KIAA0825: variants seen among roughly 807,000 people sequenced by gnomAD.
KIAA0825 encodes KIAA0825.
A neutral mutation model predicts 147.6 loss-of-function variants in KIAA0825; 119 were observed. That is an observed-to-expected ratio of 0.81 (90% CI 0.69 to 0.94). The LOEUF (loss-of-function observed/expected upper bound fraction) is 0.94. KIAA0825 is among the 40% of genes least tolerant of loss of function. The probability of loss-of-function intolerance (pLI) is 0.00; values close to 1 mark genes in which losing one functional copy is unlikely to be tolerated. For missense variants in KIAA0825, 1,381 were observed against 1,472.7 expected (o/e 0.94, Z 1.02); for synonymous variants, 470 against 518.1 (o/e 0.91, Z 1.26).
chr5:94,389,024 T>C (rs1406332496), intron 18 of KIAA0825, among the ~76,000 whole-genome samples: 2 of 152,198 alleles, frequency 1.3e-5, no homozygotes, highest in Non-Finnish European at 2.9e-5. Context: ...CATTACTTGA[T>C]CATACTCTGA....
At chr5:94,587,862 T>C (rs1222481687) in intron 1 of KIAA0825, among the ~76,000 whole-genome samples, 2 of 151,950 alleles carry the variant, frequency 1.3e-5, no homozygotes, top group African/African-American at 4.8e-5. Flanking sequence ...ATCAATGGAA[T>C]AGAACAGAGG....
At chr5:94,257,151 A>G (rs924376901) in intron 20 of KIAA0825, among the ~76,000 whole-genome samples, 2 of 152,182 alleles carry the variant, frequency 1.3e-5, no homozygotes, top group African/African-American at 4.8e-5. Flanking sequence ...TCTTTCCTTC[A>G]GATATTTAAG....
At chr5:94,420,928 A>G (rs1754100633) in intron 14 of KIAA0825, among the ~76,000 whole-genome samples, 2 of 138,798 alleles carry the variant, frequency 1.4e-5, no homozygotes, top group Non-Finnish European at 3.2e-5. Flanking sequence ...CATAAAGTTC[A>G]AAGATTTTTT....
intron 20 of KIAA0825, among the ~76,000 whole-genome samples, chr5:94,333,891 CAAG>C (rs1781529734): frequency 6.6e-6 from 1 of 152,080 alleles, no homozygotes. Context: ...TACAACTTAA[CAAG>C]GGATTTGAAG....
intron 19 of KIAA0825, 103 bp downstream of exon 19, chr5:94,386,139 T>C (rs949286915): frequency 3.0e-5 from 31 of 1,037,626 alleles, no homozygotes; most frequent in Non-Finnish European, 4.3e-5. Context: ...TTTTGCTTCC[T>C]AGCAAAATAA....
chr5:94,312,404 G>A (rs549264522), intron 20 of KIAA0825, among the ~76,000 whole-genome samples: 6 of 151,732 alleles, frequency 4.0e-5, no homozygotes, highest in South Asian at 2.1e-4. Context: ...GATCTCTCAT[G>A]TCAAGAGTCT....
chr5:94,249,652 T>G (rs1583961101), intron 20 of KIAA0825, among the ~76,000 whole-genome samples: 1 of 152,042 alleles, frequency 6.6e-6, no homozygotes, highest in South Asian at 2.1e-4. Context: ...TTTGGAATGC[T>G]CTTCTCATGG....
intron 20 of KIAA0825, among the ~76,000 whole-genome samples, chr5:94,218,587 C>G (rs532278310): frequency 6.6e-6 from 1 of 152,258 alleles, no homozygotes; most frequent in South Asian, 2.1e-4. Flanking sequence ...TGAACTAAAC[C>G]AAACTGCAGT....
intron 16 of KIAA0825, 57 bp from the exon 17 acceptor site, chr5:94,396,566 T>G (rs555239488): frequency 1.5e-6 from 2 of 1,373,486 alleles, no homozygotes; most frequent in African/African-American, 2.9e-5. Context: ...AATCACTGCA[T>G]GGTTTTGTGT....
intron 1 of KIAA0825, among the ~76,000 whole-genome samples, chr5:94,585,710 T>C (rs1783133077): frequency 6.6e-6 from 1 of 152,160 alleles, no homozygotes; most frequent in Non-Finnish European, 1.5e-5. Context: ...TCTACAGAAC[T>C]CTACACCCCA....
At chr5:94,213,659 A>G (rs943996560) in intron 20 of KIAA0825, among the ~76,000 whole-genome samples, 1 of 152,218 alleles carries the variant, frequency 6.6e-6, no homozygotes, top group African/African-American at 2.4e-5. Flanking sequence ...TATGTCTGTG[A>G]AAGTCACATT....
intron 10 of KIAA0825, among the ~76,000 whole-genome samples, chr5:94,469,468 G>A (rs946380660): frequency 4.6e-5 from 7 of 152,030 alleles, no homozygotes; most frequent in Non-Finnish European, 8.8e-5. Context: ...CACCGCACCC[G>A]GCCTCAAATG....
At chr5:94,526,804 T>A (rs546211564) in intron 3 of KIAA0825, among the ~76,000 whole-genome samples, 1 of 152,076 alleles carries the variant, frequency 6.6e-6, no homozygotes, top group South Asian at 2.1e-4. Context: ...CGTCATCCTG[T>A]CCCTAAAGGA....
chr5:94,573,339 C>T (rs1297876903), intron 2 of KIAA0825, among the ~76,000 whole-genome samples: 2 of 144,648 alleles, frequency 1.4e-5, no homozygotes, highest in Non-Finnish European at 1.5e-5. Flanking sequence ...GGCACAATCT[C>T]GGCTCACTGC....
intron 1 of KIAA0825, chr5:94,611,854 G>A (rs2152440859): frequency 6.6e-6 from 1 of 152,234 alleles, no homozygotes; most frequent in South Asian, 2.1e-4. Context: ...GCTGAGGTGG[G>A]AGGATCCCTT....
intron 5 of KIAA0825, among the ~76,000 whole-genome samples, chr5:94,500,520 A>T (rs1318679373): frequency 2.6e-5 from 4 of 152,162 alleles, no homozygotes; most frequent in African/African-American, 9.7e-5. Flanking sequence ...AGCAGCATTA[A>T]CTTAGACTGG....
intron 2 of KIAA0825, among the ~76,000 whole-genome samples, chr5:94,542,066 C>A (rs1024673802): frequency 1.3e-5 from 2 of 152,160 alleles, no homozygotes; most frequent in South Asian, 2.1e-4. Context: ...CATCCACAGA[C>A]AATTGTTGTC....
At chr5:94,154,326 A>G (rs1766832031) in intron 20 of KIAA0825, among the ~76,000 whole-genome samples, 1 of 152,226 alleles carries the variant, frequency 6.6e-6, no homozygotes, top group South Asian at 2.1e-4. Context: ...AGACAAAAGT[A>G]GAGTGAAATC....
At chr5:94,511,484 G>A (rs1186063422) in intron 5 of KIAA0825, among the ~76,000 whole-genome samples, 1 of 152,200 alleles carries the variant, frequency 6.6e-6, no homozygotes, top group Non-Finnish European at 1.5e-5. Flanking sequence ...GCTGGACGTG[G>A]TGGCACATGC....
Sources: gnomAD v4.1 joint callset for allele counts (sites outside exome capture counted in the v4.1 genomes callset) on GRCh38, gnomAD v4.1.1 for gene constraint, MANE v1.5 for transcripts, NCBI Gene and HGNC (gene_info 2026-07-23, HGNC 2026-07-21) for gene names.